Variants in PRKG1 observed in about 807,000 individuals in gnomAD.
PRKG1 encodes the protein cGMP-dependent protein kinase 1.
PRKG1 carries 35 observed loss-of-function variants against 88.1 expected under a neutral mutation model. The observed-to-expected ratio is 0.40, with a 90% CI of 0.30 to 0.53. The LOEUF (loss-of-function observed/expected upper bound fraction) is 0.53, where lower values mean the gene tolerates loss of function less well. Among genes scored for constraint, PRKG1 ranks in the 20% least tolerant of loss-of-function variants. The pLI is 0.59. For synonymous variants in PRKG1, 303 were observed against 292.5 expected (o/e 1.04, Z -0.37); for missense variants, 540 against 839.8 (o/e 0.64, Z 4.41).
chr10:51,184,010 G>A (rs1837419119), intron 2 of PRKG1, among the ~76,000 whole-genome samples: 2 of 152,094 alleles, frequency 1.3e-5, no homozygotes, highest in South Asian at 4.1e-4. Flanking sequence ...CCAATAGATT[G>A]GTTTTGGCTC....
intron 2 of PRKG1, among the ~76,000 whole-genome samples, chr10:51,374,576 C>CT (rs1842780592): frequency 6.6e-6 from 1 of 151,974 alleles, no homozygotes; most frequent in South Asian, 2.1e-4. Flanking sequence ...AGTTGGGTCT[C>CT]TTTTTTGCCC....
intron 2 of PRKG1, among the ~76,000 whole-genome samples, chr10:51,262,908 T>G (rs887271088): frequency 6.6e-6 from 1 of 151,624 alleles, no homozygotes; most frequent in Non-Finnish European, 1.5e-5. Flanking sequence ...CACATGGAGA[T>G]TACAATTTGA....
chr10:51,328,815 A>T (rs10822708), intron 2 of PRKG1, among the ~76,000 whole-genome samples: 22,518 of 152,102 alleles, frequency 0.15, 1,723 homozygotes, highest in Admixed American at 0.17. Flanking sequence ...TCTTATTTTG[A>T]GAAATGTCTA....
At chr10:51,178,039 A>T (rs1026027639) in intron 2 of PRKG1, among the ~76,000 whole-genome samples, 3 of 152,306 alleles carry the variant, frequency 2.0e-5, no homozygotes, top group African/African-American at 4.8e-5. Context: ...GAGATATAGT[A>T]TCATTTAGAT....
intron 1 of PRKG1, among the ~76,000 whole-genome samples, chr10:51,011,211 G>A (rs1842990204): frequency 6.6e-6 from 1 of 152,100 alleles, no homozygotes. Context: ...GTGTGTGTGG[G>A]TGGGGAGGGG....
intron 4 of PRKG1, among the ~76,000 whole-genome samples, chr10:51,871,455 C>A (rs1033861458): frequency 6.6e-6 from 1 of 152,182 alleles, no homozygotes; most frequent in Non-Finnish European, 1.5e-5. Context: ...CCTGATCCTA[C>A]CTGCTGCCCA....
intron 2 of PRKG1, among the ~76,000 whole-genome samples, chr10:51,174,754 C>G (rs1837145403): frequency 6.6e-6 from 1 of 151,934 alleles, no homozygotes; most frequent in Non-Finnish European, 1.5e-5. Context: ...ATTTATGATC[C>G]ATTAACTGTA....
intron 2 of PRKG1, among the ~76,000 whole-genome samples, chr10:51,455,988 C>T (rs1839574146): frequency 6.6e-6 from 1 of 152,160 alleles, no homozygotes; most frequent in Non-Finnish European, 1.5e-5. Context: ...TTAGTCTGTT[C>T]TCATGCTGCT....
At chr10:51,377,843 C>T (rs918593447) in intron 2 of PRKG1, among the ~76,000 whole-genome samples, 1 of 152,234 alleles carries the variant, frequency 6.6e-6, no homozygotes, top group African/African-American at 2.4e-5. Flanking sequence ...ACCTTGCCTC[C>T]TTTGCTCATT....
At chr10:51,550,918 T>C (rs1358246619) in intron 3 of PRKG1, among the ~76,000 whole-genome samples, 3 of 151,974 alleles carry the variant, frequency 2.0e-5, no homozygotes, top group Non-Finnish European at 2.9e-5. Flanking sequence ...TAAATAGATA[T>C]GTTTTTCATT....
intron 3 of PRKG1, among the ~76,000 whole-genome samples, chr10:51,528,505 TA>T (rs1339268098): frequency 2.8e-5 from 1 of 36,002 alleles, no homozygotes; most frequent in Non-Finnish European, 1.2e-4. Context: ...GAAAATCACT[TA>T]GCTTAAGTGG....
chr10:52,188,623 T>C (rs1375503461), intron 9 of PRKG1, among the ~76,000 whole-genome samples: 1 of 152,188 alleles, frequency 6.6e-6, no homozygotes, highest in Non-Finnish European at 1.5e-5. Context: ...CTATTCATTA[T>C]AATTTTAATT....
intron 1 of PRKG1, among the ~76,000 whole-genome samples, chr10:51,116,065 C>T (rs745831465): frequency 2.6e-5 from 4 of 151,986 alleles, no homozygotes; most frequent in Non-Finnish European, 5.9e-5. Flanking sequence ...GGCTTTCACT[C>T]AACAGATTTG....
intron 2 of PRKG1, among the ~76,000 whole-genome samples, chr10:51,220,946 G>A (rs1330877292): frequency 6.6e-6 from 1 of 152,000 alleles, no homozygotes; most frequent in Non-Finnish European, 1.5e-5. Flanking sequence ...ATTGTAGTAT[G>A]TAGAAATCTA....
intron 1 of PRKG1, among the ~76,000 whole-genome samples, chr10:51,098,729 A>T (rs926008999): frequency 3.9e-5 from 6 of 152,220 alleles, no homozygotes; most frequent in African/African-American, 1.4e-4. Flanking sequence ...AGGACTCTTT[A>T]CAAGTTTTAA....
intron 2 of PRKG1, among the ~76,000 whole-genome samples, chr10:51,371,156 G>A (rs541974370): frequency 2.0e-5 from 3 of 152,140 alleles, no homozygotes; most frequent in East Asian, 1.9e-4. Context: ...TCCGTGATTG[G>A]GATTTAATTC....
At chr10:51,426,208 G>A (rs1344802674) in intron 2 of PRKG1, among the ~76,000 whole-genome samples, 6 of 152,146 alleles carry the variant, frequency 3.9e-5, no homozygotes. Context: ...TTGAACCTGG[G>A]AGGCAGAGGT....
intron 4 of PRKG1, among the ~76,000 whole-genome samples, chr10:51,868,015 A>C (rs1388136529): frequency 6.6e-6 from 1 of 152,148 alleles, no homozygotes; most frequent in African/African-American, 2.4e-5. Context: ...CATGGCCTGT[A>C]TATACCAGTG....
intron 3 of PRKG1, among the ~76,000 whole-genome samples, chr10:51,637,316 G>A (rs1293889402): frequency 1.3e-5 from 2 of 152,186 alleles, no homozygotes; most frequent in Non-Finnish European, 2.9e-5. Flanking sequence ...TTACACTGTT[G>A]GTGGGAGTGT....
Sources: gnomAD v4.1 joint callset for allele counts (sites outside exome capture counted in the v4.1 genomes callset) on GRCh38, gnomAD v4.1.1 for gene constraint, MANE v1.5 for transcripts, NCBI Gene and HGNC (gene_info 2026-07-23, HGNC 2026-07-21) for gene names.